Variants in CCSER1 observed in about 807,000 individuals in gnomAD.
CCSER1 encodes coiled-coil serine rich protein 1.
In CCSER1, 41 loss-of-function variants were observed where a neutral mutation model predicts 82.0. The observed-to-expected ratio is 0.50, with a 90% CI of 0.39 to 0.65. The LOEUF is 0.65. Ranked by LOEUF, CCSER1 falls within the 30% of genes least tolerant of loss-of-function variation. The pLI is 0.00. For missense variants in CCSER1, 1,119 were observed against 1,064.2 expected (o/e 1.05, Z -0.72); for synonymous variants, 414 against 383.9 (o/e 1.08, Z -0.92).
chr4:90,981,501 T>C (rs1037803212), intron 9 of CCSER1, among the ~76,000 whole-genome samples: 1 of 151,844 alleles, frequency 6.6e-6, no homozygotes, highest in African/African-American at 2.4e-5. Context: ...ATGATGTTTT[T>C]AGGGGGAGCT....
At chr4:91,024,191 C>A (rs979297015) in intron 9 of CCSER1, among the ~76,000 whole-genome samples, 36 of 152,224 alleles carry the variant, frequency 2.4e-4, no homozygotes, top group African/African-American at 8.4e-4. Context: ...CTCAATACTG[C>A]TACATTAGAG....
At position 91,053,328 on chromosome 4, in the gene CCSER1, C is replaced by T. The variant is rs547860584; in HGVS notation, c.2173-32622C>T. Among the ~76,000 whole-genome samples the T allele has an allele frequency of 5.3e-5, 8 of 152,272 alleles. No homozygotes were observed. In the East Asian group the frequency reaches 9.7e-4, roughly 18 times the overall value. ...ACCAAAATGAGTTGGAAACACTTCT[C>T]GAACCTTGCCCTCCCATTCTGAAAT... On this transcript the variant is annotated intron_variant, in intron 9 of 10. Coordinates refer to ENST00000509176, the MANE Select transcript of CCSER1 (RefSeq NM_001145065.2).
chr4:90,544,296 G>A (rs1192829087), intron 5 of CCSER1, among the ~76,000 whole-genome samples: 3 of 152,108 alleles, frequency 2.0e-5, no homozygotes, highest in Admixed American at 2.0e-4. Flanking sequence ...ACCACCTTAA[G>A]TATTTATAAT....
At chr4:90,619,137 A>G (rs1579513101) in intron 5 of CCSER1, among the ~76,000 whole-genome samples, 1 of 152,088 alleles carries the variant, frequency 6.6e-6, no homozygotes, top group East Asian at 1.9e-4. Flanking sequence ...GACAGTAAAT[A>G]TAGTAAAAAC....
intron 10 of CCSER1, among the ~76,000 whole-genome samples, chr4:91,160,225 T>G (rs1731243890): frequency 6.6e-6 from 1 of 152,202 alleles, no homozygotes; most frequent in South Asian, 2.1e-4. Flanking sequence ...GGACATGAAC[T>G]CATCCATTTT....
At chr4:90,796,741 C>G (rs1286452360) in intron 7 of CCSER1, among the ~76,000 whole-genome samples, 1 of 152,062 alleles carries the variant, frequency 6.6e-6, no homozygotes, top group Non-Finnish European at 1.5e-5. Flanking sequence ...TTATTATTTA[C>G]CAAAAAGTCA....
chr4:90,400,374 AT>A (rs1273053474), intron 4 of CCSER1, among the ~76,000 whole-genome samples: 14 of 152,192 alleles, frequency 9.2e-5, no homozygotes, highest in African/African-American at 1.9e-4. Context: ...CTATAAAAAA[AT>A]CTTTCCAAAA....
intron 10 of CCSER1, among the ~76,000 whole-genome samples, chr4:91,296,456 T>TAG (rs1744173199): frequency 2.3e-5 from 2 of 87,666 alleles, no homozygotes; most frequent in Admixed American, 1.1e-4. Context: ...ACATTATATA[T>TAG]ATATATATAT....
At chr4:90,295,460 T>A (rs1731688885) in intron 1 of CCSER1, among the ~76,000 whole-genome samples, 1 of 152,058 alleles carries the variant, frequency 6.6e-6, no homozygotes, top group South Asian at 2.1e-4. Flanking sequence ...AAATTTCCTG[T>A]TACTATTCTT....
At chr4:91,379,868 T>C (rs1451232474) in intron 10 of CCSER1, among the ~76,000 whole-genome samples, 1 of 152,210 alleles carries the variant, frequency 6.6e-6, no homozygotes, top group Non-Finnish European at 1.5e-5. Flanking sequence ...TTTCCTGCTT[T>C]CTCTTGTGGG....
chr4:91,133,688 C>A (rs999208790), intron 10 of CCSER1, among the ~76,000 whole-genome samples: 7 of 152,162 alleles, frequency 4.6e-5, no homozygotes, highest in Non-Finnish European at 8.8e-5. Context: ...GTGATTCCAC[C>A]AAGCACCCAA....
chr4:90,467,266 C>A (rs1763762109), intron 4 of CCSER1, among the ~76,000 whole-genome samples: 1 of 152,064 alleles, frequency 6.6e-6, no homozygotes, highest in Non-Finnish European at 1.5e-5. Flanking sequence ...CGCCTGTAGT[C>A]CTAGCTACTT....
intron 4 of CCSER1, among the ~76,000 whole-genome samples, chr4:90,421,857 A>G (rs553630078): frequency 1.3e-5 from 2 of 152,134 alleles, no homozygotes; most frequent in Admixed American, 6.5e-5. Flanking sequence ...GGGGACAGTC[A>G]GTGGTGTAAA....
rs1735550419 is a variant in CCSER1, at chr4:90,975,701, C to T, written c.2172+52254C>T. Among the ~76,000 whole-genome samples, 5 of 151,092 alleles carry T rather than the reference C, an allele frequency of 3.3e-5. No individual in the cohort carries two copies. The Admixed American group carries it at 3.3e-4, about 10-fold the overall frequency. Reference sequence around the variant, plus strand: ...TTTTGTTGCTAAACAGATGAAAATCCAGTTACTATGTAAGGATATTGCAAC... The same window carrying T: ...TTTTGTTGCTAAACAGATGAAAATCTAGTTACTATGTAAGGATATTGCAAC... On this transcript the variant is annotated intron_variant, in intron 9 of 10. Coordinates refer to ENST00000509176, the MANE Select transcript of CCSER1 (RefSeq NM_001145065.2).
At chr4:91,506,013 C>A (rs1759464240) in intron 10 of CCSER1, among the ~76,000 whole-genome samples, 1 of 152,094 alleles carries the variant, frequency 6.6e-6, no homozygotes, top group Non-Finnish European at 1.5e-5. Flanking sequence ...TTTGCCCATG[C>A]CTATGTCCTG....
At chr4:90,404,312 C>T (rs1293283949) in intron 4 of CCSER1, among the ~76,000 whole-genome samples, 1 of 152,108 alleles carries the variant, frequency 6.6e-6, no homozygotes, top group Non-Finnish European at 1.5e-5. Flanking sequence ...CACAGCAAGA[C>T]CCGCTGCCCA....
chr4:90,253,717 A>T (rs192653798), intron 1 of CCSER1, among the ~76,000 whole-genome samples: 65 of 152,254 alleles, frequency 4.3e-4, no homozygotes, highest in African/African-American at 1.4e-3. Flanking sequence ...AATCTCTGAT[A>T]TTGTTCCTAA....
At chr4:91,351,073 G>A (rs1480416445) in intron 10 of CCSER1, among the ~76,000 whole-genome samples, 2 of 151,924 alleles carry the variant, frequency 1.3e-5, no homozygotes, top group East Asian at 1.9e-4. Flanking sequence ...CTATGGTACT[G>A]ACTAGGTTAG....
At chr4:91,594,291 G>GTATATA (rs1022165901) in intron 10 of CCSER1, among the ~76,000 whole-genome samples, 6 of 149,312 alleles carry the variant, frequency 4.0e-5, no homozygotes, top group African/African-American at 1.5e-4. Context: ...ATATATGTGT[G>GTATATA]TATATATGTA....
Sources: gnomAD v4.1 joint callset for allele counts (sites outside exome capture counted in the v4.1 genomes callset) on GRCh38, gnomAD v4.1.1 for gene constraint, MANE v1.5 for transcripts, NCBI Gene and HGNC (gene_info 2026-07-23, HGNC 2026-07-21) for gene names.